EHD1: variants seen among roughly 807,000 people sequenced by gnomAD.
The protein encoded by EHD1 is EH domain-containing protein 1.
A neutral mutation model predicts 39.0 loss-of-function variants in EHD1; 19 were observed. That is an observed-to-expected ratio of 0.49 (90% CI 0.34 to 0.72). The LOEUF (loss-of-function observed/expected upper bound fraction) is 0.72, where lower values mean the gene tolerates loss of function less well. Ranked by LOEUF, EHD1 falls within the 30% of genes least tolerant of loss-of-function variation. The probability of loss-of-function intolerance (pLI) is 0.01; values close to 1 mark genes in which losing one functional copy is unlikely to be tolerated. For missense variants in EHD1, 542 were observed against 751.5 expected, an observed-to-expected ratio of 0.72 and a Z score of 3.26; for synonymous variants, 323 against 331.2, an observed-to-expected ratio of 0.98 and a Z score of 0.27.
chr11:64,879,018 C>A (rs1943925049), upstream of EHD1: 1 of 996,766 alleles, frequency 1.0e-6, no homozygotes, highest in South Asian at 4.4e-5. Flanking sequence ...GACTACGCGC[C>A]GCGCCCGCCG....
Position 64,854,848 on chromosome 11 carries a change from G to A in EHD1, c.1090C>T (p.Gln364Ter). The A allele has an allele frequency of 2.5e-6, 4 of 1,597,930 alleles. No homozygotes were observed. Among genetic ancestry groups the A allele is most frequent in the Non-Finnish European group, 3.4e-6 (4 of 1,178,436 alleles). ...PSLRKMQELL[Q>*]TQDFSKFQAL... Reference sequence around the variant, plus strand: ...TGGAACTTGCTGAAGTCCTGGGTCTGCAGGAGTTCCTGTGGGCGGGGGAGG... The same window carrying A: ...TGGAACTTGCTGAAGTCCTGGGTCTACAGGAGTTCCTGTGGGCGGGGGAGG... The change falls in exon 5 of 5, where the codon CAG becomes TAG. Residue 364 changes from glutamine (Q) to a stop codon, truncating the protein, a stop_gained. Transcript: ENST00000320631. LOFTEE classifies it high-confidence loss of function.
At chr11:64,872,594 G>A (rs1023056881) in intron 2 of EHD1, among the ~76,000 whole-genome samples, 4 of 143,704 alleles carry the variant, frequency 2.8e-5, no homozygotes, top group African/African-American at 5.2e-5. Context: ...ACTAGCCCTC[G>A]CTTTTTTTTT....
rs190448874 is a variant in EHD1, at chr11:64,873,436, G to A, written c.502+985C>T. On this transcript the variant is annotated intron_variant, in intron 2 of 4. Transcript: ENST00000320631. ...AGCTAATAAGCTCTGGGGACCAGGG[G>A]CTTGTTCAGAGTCAGCAATGCTTCC... Among the ~76,000 whole-genome samples, 5 of 152,264 alleles carry A rather than the reference G, an allele frequency of 3.3e-5. No homozygotes were observed. In the East Asian group the frequency reaches 9.6e-4, roughly 29 times the overall value.
chr11:64,875,105 C>A (rs886822886), intron 1 of EHD1, among the ~76,000 whole-genome samples: 14 of 152,216 alleles, frequency 9.2e-5, no homozygotes, highest in Admixed American at 4.6e-4. Flanking sequence ...TGAGGAAGAA[C>A]AAAGCCGTGG....
upstream of EHD1, among the ~76,000 whole-genome samples, chr11:64,879,388 A>G (rs654580): frequency 0.89 from 135,340 of 152,186 alleles, 60,673 homozygotes; most frequent in Non-Finnish European, 0.93. Flanking sequence ...AGCTGGGGCA[A>G]GGCAGGGAGG....
At chr11:64,873,030 C>T (rs1026343515) in intron 2 of EHD1, among the ~76,000 whole-genome samples, 1 of 152,250 alleles carries the variant, frequency 6.6e-6, no homozygotes, top group Non-Finnish European at 1.5e-5. Flanking sequence ...CTCCACTCCT[C>T]ACCTGCCAGG....
chr11:64,853,353 C>CGT lies in EHD1; in HGVS notation c.*979_*980insAC, dbSNP rs902375569. ...CCAAGCTGTCGTGAGGCCCCGCCAC[C>CGT]GCCACCCACCACCACCTCCCACTGT... On this transcript the variant is annotated 3_prime_UTR_variant, in exon 5 of 5. Transcript: ENST00000320631. 3.9e-5 allele frequency: 6 copies of CGT among 152,342 alleles called. No homozygotes were observed. The highest frequency in any genetic ancestry group is 1.4e-4 in the African/African-American group (6 of 41,466). The allele number at this position is 152,342 out of a possible 1,614,324, so 9.4% of individuals were successfully genotyped here. A position where few individuals can be genotyped will look rare whatever the true frequency, so the allele number is the denominator to read the frequency against.
chr11:64,871,418 C>T (rs1016407799), intron 2 of EHD1, among the ~76,000 whole-genome samples: 6 of 152,214 alleles, frequency 3.9e-5, no homozygotes, highest in African/African-American at 1.4e-4. Flanking sequence ...AAATCCACTC[C>T]TCCTGTGTAC....
intron 2 of EHD1, among the ~76,000 whole-genome samples, chr11:64,862,608 A>C (rs1444954254): frequency 1.3e-5 from 2 of 152,226 alleles, no homozygotes; most frequent in Non-Finnish European, 2.9e-5. Context: ...TCTCTGTAAC[A>C]GCGGTTTTGA....
At chr11:64,874,301 C>CA (rs35867760) in intron 2 of EHD1, 120 bp downstream of exon 2, 208,910 of 468,388 alleles carry the variant, frequency 0.45, 35,594 homozygotes, top group Admixed American at 0.52. Context: ...AAGACTCCGT[C>CA]AAAAAAAAAA....
At chr11:64,862,463 G>A (rs1243887068) in intron 2 of EHD1, among the ~76,000 whole-genome samples, 1 of 152,320 alleles carries the variant, frequency 6.6e-6, no homozygotes, top group East Asian at 1.9e-4. Context: ...CTGAGGACGG[G>A]GATGCTGATG....
chr11:64,856,963 T>C (rs1192651653), intron 3 of EHD1, among the ~76,000 whole-genome samples: 5 of 152,138 alleles, frequency 3.3e-5, no homozygotes, highest in Non-Finnish European at 7.4e-5. Flanking sequence ...AAGGGAGCTC[T>C]CTCTGCCCTG....
intron 2 of EHD1, among the ~76,000 whole-genome samples, chr11:64,863,842 A>T (rs904332592): frequency 6.6e-6 from 1 of 152,226 alleles, no homozygotes; most frequent in African/African-American, 2.4e-5. Flanking sequence ...TCCATCTGTG[A>T]AATTTAAATA....
chr11:64,870,340 C>T (rs897257733), intron 2 of EHD1, among the ~76,000 whole-genome samples: 3 of 152,202 alleles, frequency 2.0e-5, no homozygotes, highest in Non-Finnish European at 4.4e-5. Context: ...CAGCCCCTAC[C>T]TGGGTTCAAA....
At chr11:64,870,792 T>G (rs1037352564) in intron 2 of EHD1, among the ~76,000 whole-genome samples, 3 of 152,184 alleles carry the variant, frequency 2.0e-5, no homozygotes, top group African/African-American at 7.2e-5. Context: ...CCCTTTGGAA[T>G]GCCCTTATCA....
intron 2 of EHD1, among the ~76,000 whole-genome samples, chr11:64,873,139 A>C (rs964567449): frequency 6.6e-6 from 1 of 152,242 alleles, no homozygotes; most frequent in Admixed American, 6.5e-5. Flanking sequence ...GACCCAGTTC[A>C]GGCTCATCCT....
intron 2 of EHD1, among the ~76,000 whole-genome samples, chr11:64,865,633 T>A (rs1225282816): frequency 6.6e-6 from 1 of 152,182 alleles, no homozygotes; most frequent in African/African-American, 2.4e-5. Context: ...TAAGGGATCA[T>A]AAGCCACCAG....
At chr11:64,857,630 C>G (rs563740247) in intron 3 of EHD1, among the ~76,000 whole-genome samples, 2 of 152,152 alleles carry the variant, frequency 1.3e-5, no homozygotes, top group Admixed American at 1.3e-4. Context: ...GATGAAGGGT[C>G]AGTTCTCACT....
At chr11:64,875,413 T>C (rs1943874545) in intron 1 of EHD1, among the ~76,000 whole-genome samples, 1 of 152,158 alleles carries the variant, frequency 6.6e-6, no homozygotes, top group Admixed American at 6.5e-5. Context: ...TAGCTGGGCA[T>C]GGTGGCACGC....
Sources: gnomAD v4.1 joint callset for allele counts (sites outside exome capture counted in the v4.1 genomes callset) on GRCh38, gnomAD v4.1.1 for gene constraint, MANE v1.5 for transcripts, NCBI Gene and HGNC (gene_info 2026-07-23, HGNC 2026-07-21) for gene names.